Variants in APBA1 observed in about 807,000 individuals in gnomAD.
APBA1 encodes the protein amyloid-beta A4 precursor protein-binding family A member 1.
Under a neutral mutation model 86.6 loss-of-function variants are expected in APBA1, and 55 were observed. The observed-to-expected ratio is 0.64, with a 90% CI of 0.51 to 0.80. APBA1 has a LOEUF of 0.80. Among genes scored for constraint, APBA1 ranks in the 30% least tolerant of loss-of-function variants. The probability of loss-of-function intolerance (pLI) is 0.00; values close to 1 mark genes in which losing one functional copy is unlikely to be tolerated. For missense variants in APBA1, 1,090 were observed against 1,183.0 expected, an observed-to-expected ratio of 0.92 and a Z score of 1.15; for synonymous variants, 511 against 493.9, an observed-to-expected ratio of 1.03 and a Z score of -0.46.
chr9:69,470,797 CAG>C (rs750503444), intron 4 of APBA1, among the ~76,000 whole-genome samples: 56 of 152,320 alleles, frequency 3.7e-4, no homozygotes, highest in South Asian at 1.9e-3. Flanking sequence ...CACCTCTAGC[CAG>C]AGAGTGAGTG....
rs147622536 is a variant in APBA1, at chr9:69,516,863, G to T, written c.348C>A (p.Ser116Arg). Residue 116 changes from serine to arginine, a missense_variant, in exon 2 of 13, where the codon AGC (serine) becomes AGA (arginine). Ser to Arg is a moderately radical substitution (Grantham distance 110). Around this residue, in one of 6 missense-constraint regions of APBA1, gnomAD observed 678 missense variants for 647.1 expected, o/e 1.05. Transcript: ENST00000265381. The surrounding 1 kb of genome is among the most constrained non-coding windows in gnomAD (Gnocchi z 7.3). ...CGGGCCGGTACTGCACAGCATAGGC[G>T]CTCTCGTCCTCGGGGTCCTGCGCGC... ...AERAQDPEDE[S>R]AYAVQYRPEA... is the part of the protein sequence containing the mutation. The T allele has an allele frequency of 4.4e-6, 7 of 1,598,652 alleles. No homozygotes were observed. Among genetic ancestry groups the T allele is most frequent in the Non-Finnish European group, 5.1e-6 (6 of 1,177,398 alleles).
At chr9:69,434,949 C>A (rs1315710284) in intron 11 of APBA1, among the ~76,000 whole-genome samples, 1 of 108,770 alleles carries the variant, frequency 9.2e-6, no homozygotes, top group Non-Finnish European at 1.8e-5. Context: ...TCCCCCCTCC[C>A]CCCACCCCAC....
In APBA1 at chr9:69,501,629, A is replaced by AACACAC. The variant is rs57033911; in HGVS notation, c.1200+14376_1200+14381dup. On this transcript the variant is annotated intron_variant, in intron 2 of 12. Transcript: ENST00000265381. ...ACATAACAAGACTCTGTCTCTACAA[A>AACACAC]ACACACACACACACACACACACACA... 1.5e-3 allele frequency among the ~76,000 whole-genome samples: 215 copies of AACACAC among 142,180 alleles called. 1 individual carries two copies. The highest frequency in any genetic ancestry group is 9.0e-3 in the South Asian group (37 of 4,132). 93.3% of individuals were successfully genotyped at this position (142,180 alleles called of 152,430 possible). A position where few individuals can be genotyped will look rare whatever the true frequency, so the allele number is the denominator to read the frequency against.
At chr9:69,523,520 T>C (rs568125325) in intron 1 of APBA1, among the ~76,000 whole-genome samples, 72 of 34,044 alleles carry the variant, frequency 2.1e-3, no homozygotes, top group Middle Eastern at 0.011. Context: ...TATATATATA[T>C]ATATATATAT....
At chr9:69,440,660 G>A (rs1404375585) in intron 11 of APBA1, among the ~76,000 whole-genome samples, 2 of 152,120 alleles carry the variant, frequency 1.3e-5, no homozygotes, top group Admixed American at 6.5e-5. Flanking sequence ...GGAGTGACCC[G>A]ATTTTCCAGG....
At position 69,441,305 on chromosome 9, in the gene APBA1, C is replaced by T. The variant is rs149358006; in HGVS notation, c.2182-190G>A. On this transcript the variant is annotated intron_variant, in intron 10 of 12. Coordinates refer to ENST00000265381, the MANE Select transcript of APBA1 (RefSeq NM_001163.4). The stretch of plus-strand genomic sequence containing the variant: ...CGGCTTCACCTACCCAGGGCTAAGA[C>T]GCCACATGTTGCAGATGGAGCCCTC... Among the ~76,000 whole-genome samples the T allele has an allele frequency of 4.5e-3, 693 of 152,336 alleles. 7 individuals carry two copies. The highest frequency in any genetic ancestry group is 0.01 in the Middle Eastern group (3 of 294).
At chr9:69,432,790 G>T in intron 11 of APBA1, 114 bp from the exon 12 acceptor site, 2 of 1,121,054 alleles carry the variant, frequency 1.8e-6, no homozygotes, top group East Asian at 3.0e-5. Flanking sequence ...AAACTGACAT[G>T]GTTAGGCTTT....
chr9:69,496,950 T>C (rs1317337364), intron 2 of APBA1, among the ~76,000 whole-genome samples: 1 of 146,538 alleles, frequency 6.8e-6, no homozygotes, highest in Admixed American at 6.9e-5. Context: ...AAGCTGCAAC[T>C]TTTTCAGTTA....
chr9:69,545,717 GTCT>G (rs1836687433), intron 1 of APBA1, among the ~76,000 whole-genome samples: 1 of 152,188 alleles, frequency 6.6e-6, no homozygotes, highest in African/African-American at 2.4e-5. Flanking sequence ...TATGTAAGAA[GTCT>G]TCTTTACTAT....
intron 1 of APBA1, among the ~76,000 whole-genome samples, chr9:69,567,231 C>A (rs1837041335): frequency 6.6e-6 from 1 of 152,100 alleles, no homozygotes; most frequent in African/African-American, 2.4e-5. Context: ...GAAAGATGGG[C>A]AGACACCTGC....
intron 2 of APBA1, 74 bp from the exon 3 acceptor site, chr9:69,476,217 G>A (rs950573046): frequency 1.5e-5 from 17 of 1,099,054 alleles, no homozygotes; most frequent in African/African-American, 6.2e-5. Context: ...GAAAGGGGCC[G>A]GGAGAGAGAA....
intron 1 of APBA1, among the ~76,000 whole-genome samples, chr9:69,644,396 G>C (rs1823349638): frequency 6.6e-6 from 1 of 152,142 alleles, no homozygotes; most frequent in Non-Finnish European, 1.5e-5. Context: ...GTTCATGCCA[G>C]TATTTTGTAC....
At chr9:69,504,665 G>A (rs997667033) in intron 2 of APBA1, among the ~76,000 whole-genome samples, 1 of 152,000 alleles carries the variant, frequency 6.6e-6, no homozygotes, top group Non-Finnish European at 1.5e-5. Context: ...TTGGGGACTA[G>A]GGATCCTGAG....
intron 5 of APBA1, chr9:69,463,286 A>T (rs76261287): frequency 0.54 from 81,764 of 151,494 alleles, 23,918 homozygotes; most frequent in African/African-American, 0.78. Context: ...TATTGGTTAA[A>T]TTTATTCCTA....
chr9:69,614,181 C>T (rs911830743), intron 1 of APBA1, among the ~76,000 whole-genome samples: 2 of 152,038 alleles, frequency 1.3e-5, no homozygotes, highest in African/African-American at 4.8e-5. Flanking sequence ...GACCTGTGAC[C>T]CTGCTTTTAT....
intron 2 of APBA1, among the ~76,000 whole-genome samples, chr9:69,501,702 C>T (rs796173611): frequency 6.6e-6 from 1 of 151,358 alleles, no homozygotes; most frequent in South Asian, 2.1e-4. Flanking sequence ...ATGGTATGCA[C>T]CTGTAGCCCT....
intron 1 of APBA1, among the ~76,000 whole-genome samples, chr9:69,581,377 T>A (rs1451924966): frequency 2.4e-5 from 2 of 84,094 alleles, no homozygotes; most frequent in African/African-American, 7.8e-5. Context: ...CTCACTACAT[T>A]TCTCTGAAGG....
At chr9:69,519,197 C>T (rs1267242943) in intron 1 of APBA1, among the ~76,000 whole-genome samples, 2 of 152,202 alleles carry the variant, frequency 1.3e-5, no homozygotes, top group Non-Finnish European at 2.9e-5. Flanking sequence ...TGTAAACCAG[C>T]AGCAGGGTGG....
At chr9:69,669,539 C>T (rs1823907394) in intron 1 of APBA1, among the ~76,000 whole-genome samples, 3 of 152,244 alleles carry the variant, frequency 2.0e-5, no homozygotes, top group South Asian at 2.1e-4. Flanking sequence ...TATACCAGTC[C>T]GATCTTTAGA....
Sources: allele counts gnomAD v4.1 joint callset (sites outside exome capture counted in the v4.1 genomes callset), GRCh38; gene constraint gnomAD v4.1.1; regional missense constraint gnomAD v4.1.1; non-coding constraint Gnocchi (gnomAD v3.1); transcripts MANE v1.5; gene names NCBI Gene and HGNC (gene_info 2026-07-23, HGNC 2026-07-21).